The following PKD1 variants were observed in gnomAD, a reference collection of about 807,000 sequenced individuals.
PKD1 encodes polycystin 1, transient receptor potential channel interacting.
Under a neutral mutation model 361.7 loss-of-function variants are expected in PKD1, and 81 were observed. The observed-to-expected ratio is 0.22, with a 90% confidence interval of 0.19 to 0.27. PKD1 has a LOEUF of 0.27. Ranked by LOEUF, PKD1 falls within the 10% of genes least tolerant of loss-of-function variation. The pLI, the probability that PKD1 is intolerant of heterozygous loss-of-function variation, is 1.00. For synonymous variants in PKD1, 3,615 were observed against 2,818.3 expected (o/e 1.28, Z -8.95); for missense variants, 6,399 against 6,118.3 (o/e 1.05, Z -1.53).
rs2091372642 is a variant in PKD1 at position 2,089,736 on chromosome 16, G to A, written c.12903C>T (p.Ser4301=). 1 of 1,584,450 alleles carries A rather than the reference G, an allele frequency of 6.3e-7. No individual in the cohort carries two copies. Among genetic ancestry groups the A allele is most frequent in the Non-Finnish European group, 8.6e-7 (1 of 1,167,008 alleles). ...CCGCCAGGAAGGAGGACTAAGTGCT[G>A]CTGGGGTGGACCTTGTTCTTGGCCC... The part of the protein sequence containing the change: ...PLRAKNKVHP[S]ST Residue 4301 remains serine (S), a synonymous_variant, in exon 46 of 46, where the codon AGC becomes AGT. Coordinates refer to ENST00000262304, the MANE Select transcript of PKD1 (RefSeq NM_001009944.3).
At chr16:2,092,404 T>C (rs2091637056) in intron 39 of PKD1, 76 bp downstream of exon 39, 3 of 1,109,322 alleles carry the variant, frequency 2.7e-6, no homozygotes, top group Non-Finnish European at 4.0e-6. Flanking sequence ...GCAGGGCTGA[T>C]GCCAGAGCTC....
rs994988620 is a variant in PKD1, at chr16:2,118,207, G to A, written c.785C>T (p.Pro262Leu). ...AGGGAAGACGTGCTGGAGGAGGGTG[G>A]GGCCCCTACAGGTGGGGGCAGGAGG... ...PPPPAPTCRG[P>L]TLLQHVFPAS... Residue 262 changes from proline (P) to leucine (L), a missense_variant, in exon 5 of 46, where the codon CCC becomes CTC. Transcript: ENST00000262304. The surrounding 1 kb of genome is among the most constrained non-coding windows in gnomAD (Gnocchi z 6.0). The A allele has an allele frequency of 9.8e-6, 15 of 1,536,538 alleles. No individual in the cohort carries two copies. The African/African-American group carries it at 1.6e-4, about 17-fold the overall frequency.
chr16:2,108,055 G>A (rs750533527), intron 15 of PKD1, 23 bp from the exon 16 acceptor site: 45 of 1,576,194 alleles, frequency 2.9e-5, no homozygotes, highest in Middle Eastern at 2.3e-4. Flanking sequence ...AACAAGGGGC[G>A]ACGTGGCCTG....
Position 2,108,679 on chromosome 16 carries a change from C to T in PKD1, c.6488G>A (p.Arg2163Gln), listed in dbSNP as rs145217118. Reference sequence around the variant, plus strand: ...GGCCTCCAAGTAGTTGCGCTGTGATCGCCGCATCAGCACCTGCAGGGGCAG... The same window carrying T: ...GGCCTCCAAGTAGTTGCGCTGTGATTGCCGCATCAGCACCTGCAGGGGCAG... ...VVLPLQVLMR[R>Q]SQRNYLEAHV... Residue 2163 changes from arginine (R) to glutamine (Q), a missense_variant, in exon 15 of 46, where the codon CGA (arginine) becomes CAA (glutamine). Physicochemically the swap from Arg to Gln is conservative, Grantham distance 43 (BLOSUM62 1). Transcript: ENST00000262304. 2.0e-3 allele frequency: 3,093 copies of T among 1,567,718 alleles called. 8 individuals carry two copies. Among genetic ancestry groups the T allele is most frequent in the Non-Finnish European group, 1.9e-3 (2,239 of 1,157,256 alleles).
At chr16:2,119,275 C>T (rs1293480416) in intron 2 of PKD1, 32 bp downstream of exon 2, 1 of 1,121,630 alleles carries the variant, frequency 8.9e-7, no homozygotes, top group South Asian at 1.3e-5. Flanking sequence ...CGGAGTGAGC[C>T]CCGCATGCTG....
intron 12 of PKD1, 99 bp from the exon 13 acceptor site, chr16:2,113,062 C>G: frequency 3.7e-6 from 5 of 1,335,612 alleles, no homozygotes; most frequent in Non-Finnish European, 5.3e-6. Flanking sequence ...GCAGCGTCCT[C>G]GGGCAGCATG....
intron 42 of PKD1, 58 bp from the exon 43 acceptor site, chr16:2,091,232 G>A (rs2091518193): frequency 3.7e-6 from 3 of 815,960 alleles, no homozygotes; most frequent in East Asian, 4.6e-5. Flanking sequence ...GGCCCTGCGA[G>A]GGGGCGGGAC....
At chr16:2,129,652 G>C (rs1000473425) in intron 1 of PKD1, among the ~76,000 whole-genome samples, 5 of 149,816 alleles carry the variant, frequency 3.3e-5, no homozygotes, top group Admixed American at 1.3e-4. Context: ...CTCGGCTCAA[G>C]TGATGTCCCA....
Position 2,109,711 on chromosome 16 carries a change from G to A in PKD1, c.5456C>T (p.Ala1819Val), listed in dbSNP as rs1219400725. 3 of 1,600,944 alleles carry A rather than the reference G, an allele frequency of 1.9e-6. No homozygotes were observed. Among genetic ancestry groups the A allele is most frequent in the Non-Finnish European group, 2.6e-6 (3 of 1,175,362 alleles). ...ASEPGGSFVA[A>V]GSSVPFWGQL... ...CCCCCAAAAGGGCACAGAGGACCCG[G>A]CCGCCACGAAGCTGCCTCCGGGCTC... Residue 1819 changes from alanine (A) to valine (V), a missense_variant, in exon 15 of 46, where the codon GCC (alanine) becomes GTC (valine). By Grantham distance (64) the Ala-to-Val change is moderately conservative. Coordinates refer to ENST00000262304, the MANE Select transcript of PKD1 (RefSeq NM_001009944.3).
intron 16 of PKD1, chr16:2,107,224 C>T (rs1328243533): frequency 3.7e-5 from 19 of 518,876 alleles, no homozygotes; most frequent in South Asian, 6.0e-5. Context: ...CACTGAGGGC[C>T]CCTGGGGGGA....
At chr16:2,105,005 AGGAGGGGAGGGGCTAGGGGAGGGAAGGG>A (rs1286363609) in intron 21 of PKD1, among the ~76,000 whole-genome samples, 1 of 94,142 alleles carries the variant, frequency 1.1e-5, no homozygotes, top group Non-Finnish European at 2.3e-5. Flanking sequence ...AGGGGAGGGG[AGGAGGGGAGGGGCTAGGGGAGGGAAGGG>A]GGAGGGGAGG....
In PKD1 at chr16:2,115,387, C is replaced by T. The variant is rs938336877; in HGVS notation, c.2088G>A (p.Ala696=). 29 of 1,548,254 alleles carry T rather than the reference C, an allele frequency of 1.9e-5. No individual in the cohort carries two copies. The highest frequency in any genetic ancestry group is 1.2e-4 in the African/African-American group (9 of 73,372). The change falls in exon 10 of 46, where the codon GCG becomes GCA. Residue 696 remains alanine (A), a synonymous_variant. Transcript: ENST00000262304. ...FLFSVPAGPP[A]QYSVTLHGQD... is the part of the protein sequence containing the mutation. ...GGTCAGGGCCACACACCGAGTACTGCGCGGGGGGCCCCGCGGGAACGGAGA... is the reference window on the plus strand; with the variant it reads ...GGTCAGGGCCACACACCGAGTACTGTGCGGGGGGCCCCGCGGGAACGGAGA...
Position 2,109,116 on chromosome 16 carries a change from C to A in PKD1, c.6051G>T (p.Ser2017=), listed in dbSNP as rs774441355. 3 of 1,602,796 alleles carry A rather than the reference C, an allele frequency of 1.9e-6. No homozygotes were observed. Among genetic ancestry groups the A allele is most frequent in the Non-Finnish European group, 2.6e-6 (3 of 1,174,136 alleles). The change falls in exon 15 of 46, where the codon TCG becomes TCT. Residue 2017 remains serine (S), a synonymous_variant. Coordinates refer to ENST00000262304, the MANE Select transcript of PKD1 (RefSeq NM_001009944.3). ...CGTCGCGGCCCGACAGGATGACCAGCGAGTCGCCCTGGACCTTCTGCAGCG... is the reference window on the plus strand; with the variant it reads ...CGTCGCGGCCCGACAGGATGACCAGAGAGTCGCCCTGGACCTTCTGCAGCG... ...YFSLQKVQGD[S]LVILSGRDVT...
rs777990224 is a variant in PKD1 at position 2,089,751 on chromosome 16, G to A, written c.12888C>T (p.Asn4296=). Residue 4296 remains asparagine, a synonymous_variant, in exon 46 of 46, where the codon AAC becomes AAT. Transcript: ENST00000262304. ...GPSRTPLRAK[N]KVHPSST ...ACTAAGTGCTGCTGGGGTGGACCTT[G>A]TTCTTGGCCCGAAGGGGTGTCCTGC... 3.8e-6 allele frequency: 6 copies of A among 1,590,294 alleles called. No individual in the cohort carries two copies. The African/African-American group carries it at 6.7e-5, about 18-fold the overall frequency.
chr16:2,088,877 G>C lies in PKD1; in HGVS notation c.*850C>G, dbSNP rs542301182. On this transcript the variant is annotated 3_prime_UTR_variant, in exon 46 of 46. Coordinates refer to ENST00000262304, the MANE Select transcript of PKD1 (RefSeq NM_001009944.3). ...CCATACAGCACACTCGCGCGTGCGC[G>C]CGCGCACACACACACACACACAGTC... 1.0e-5 allele frequency: 5 copies of C among 482,032 alleles called. No homozygotes were observed. In the East Asian group the frequency reaches 1.7e-4, roughly 16 times the overall value. 29.9% of individuals were successfully genotyped at this position (482,032 alleles called of 1,614,324 possible).
chr16:2,096,994 C>T (rs2091874714), intron 34 of PKD1, 154 bp downstream of exon 34: 1 of 646,342 alleles, frequency 1.5e-6, no homozygotes, highest in Non-Finnish European at 2.8e-6. Flanking sequence ...GCTCTTTCCA[C>T]AGACAACAGA....
chr16:2,109,371 G>A lies in PKD1; in HGVS notation c.5796C>T (p.Pro1932=), dbSNP rs751986134. 2.7e-5 allele frequency: 43 copies of A among 1,593,502 alleles called. No homozygotes were observed. Among genetic ancestry groups the A allele is most frequent in the East Asian group, 2.2e-4 (10 of 44,688 alleles). The change falls in exon 15 of 46, where the codon CCC becomes CCT. Residue 1932 remains proline (P), a synonymous_variant. Transcript: ENST00000262304. ...QVGGANPEVL[P]GPRFSHSFPR... is the part of the protein sequence containing the mutation. ...GGAAGCTGTGGGAGAAACGGGGCCC[G>A]GGGAGCACCTCGGGGTTGGCCCCGC...
In PKD1 at chr16:2,089,386, CCAGCAGCCTTAGCAGTGGGGGA is replaced by C; in HGVS notation, c.*319_*340del. The stretch of plus-strand genomic sequence containing the variant: ...CGGTGCAGGCTAACCCTCCCTGAAG[CCAGCAGCCTTAGCAGTGGGGGA>C]CATCTGCCCAGGGGGTGGGGCCGGG... On this transcript the variant is annotated 3_prime_UTR_variant, in exon 46 of 46. Coordinates refer to ENST00000262304, the MANE Select transcript of PKD1 (RefSeq NM_001009944.3). 3 of 412,482 alleles carry C rather than the reference CCAGCAGCCTTAGCAGTGGGGGA, an allele frequency of 7.3e-6. No individual in the cohort carries two copies. Among genetic ancestry groups the C allele is most frequent in the Non-Finnish European group, 1.3e-5 (3 of 225,768 alleles). The allele number at this position is 412,482 out of a possible 1,614,324, so 25.6% of individuals were successfully genotyped here.
chr16:2,117,560 G>C lies in PKD1; in HGVS notation c.1314C>G (p.Ala438=). 6.2e-7 allele frequency: 1 copy of C among 1,605,072 alleles called. No individual in the cohort carries two copies. The highest frequency in any genetic ancestry group is 8.5e-7 in the Non-Finnish European group (1 of 1,177,182). The part of the protein sequence containing the change: ...AWLQAQEQCQ[A]WAGAALAMVD... The stretch of plus-strand genomic sequence containing the variant: ...CCATTGCCAGGGCGGCCCCGGCCCA[G>C]GCCTGACACTGCTCCTGCGCCTGCA... Residue 438 remains alanine, a synonymous_variant, in exon 6 of 46, where the codon GCC becomes GCG. Coordinates refer to ENST00000262304, the MANE Select transcript of PKD1 (RefSeq NM_001009944.3).
Sources: gnomAD v4.1 joint callset for allele counts (sites outside exome capture counted in the v4.1 genomes callset) on GRCh38, gnomAD v4.1.1 for gene constraint, Gnocchi (gnomAD v3.1) non-coding constraint, MANE v1.5 for transcripts, NCBI Gene and HGNC (gene_info 2026-07-23, HGNC 2026-07-21) for gene names.